The following GRIA4 variants were observed in gnomAD, a reference collection of about 807,000 sequenced individuals.
GRIA4 encodes the protein glutamate receptor 4.
Under a neutral mutation model 104.0 loss-of-function variants are expected in GRIA4, and 34 were observed. The observed-to-expected ratio is 0.33, with a 90% confidence interval of 0.25 to 0.44. The LOEUF (loss-of-function observed/expected upper bound fraction) is 0.44, where lower values mean the gene tolerates loss of function less well. GRIA4 is among the 20% of genes least tolerant of loss of function. The pLI is 1.00. For missense variants in GRIA4, 750 were observed against 1,096.5 expected (o/e 0.68, Z 4.46); for synonymous variants, 386 against 381.9 (o/e 1.01, Z -0.13).
intron 13 of GRIA4, among the ~76,000 whole-genome samples, chr11:105,932,645 C>G (rs1947916148): frequency 6.6e-6 from 1 of 152,100 alleles, no homozygotes; most frequent in African/African-American, 2.4e-5. Context: ...AAATAAGTTT[C>G]TTGGCTGGAG....
chr11:105,967,193 A>T (rs1490359844), intron 14 of GRIA4, among the ~76,000 whole-genome samples: 3 of 148,246 alleles, frequency 2.0e-5, no homozygotes, highest in South Asian at 4.3e-4. Context: ...TTATTATCAC[A>T]AATACAGGAG....
intron 3 of GRIA4, among the ~76,000 whole-genome samples, chr11:105,743,865 A>G (rs964247448): frequency 6.6e-6 from 1 of 152,120 alleles, no homozygotes; most frequent in East Asian, 1.9e-4. Flanking sequence ...TCCTCATTCA[A>G]TAATTTATTA....
chr11:105,897,127 T>C (rs1946678990), intron 6 of GRIA4, among the ~76,000 whole-genome samples: 2 of 152,058 alleles, frequency 1.3e-5, no homozygotes, highest in Non-Finnish European at 1.5e-5. Context: ...TCTCTAACCT[T>C]CTTGGTTAAA....
At chr11:105,623,062 TATATATATATATATA>T (rs1950792658) in intron 3 of GRIA4, among the ~76,000 whole-genome samples, 1 of 23,244 alleles carries the variant, frequency 4.3e-5, no homozygotes, top group African/African-American at 3.5e-4. Flanking sequence ...TGTATATATA[TATATATATATATATA>T]TATATATATA....
intron 14 of GRIA4, among the ~76,000 whole-genome samples, chr11:105,971,592 C>G (rs1296213286): frequency 1.3e-5 from 2 of 152,172 alleles, no homozygotes; most frequent in African/African-American, 2.4e-5. Context: ...CAAAAAGAAG[C>G]TTCTGGATTT....
intron 3 of GRIA4, among the ~76,000 whole-genome samples, chr11:105,738,076 C>G (rs547881715): frequency 2.1e-4 from 30 of 146,074 alleles, no homozygotes; most frequent in African/African-American, 6.7e-4. Flanking sequence ...TCATGCTTAA[C>G]ACATGGCATT....
intron 4 of GRIA4, among the ~76,000 whole-genome samples, chr11:105,811,697 T>C (rs1038507731): frequency 1.3e-5 from 2 of 152,312 alleles, no homozygotes; most frequent in African/African-American, 4.8e-5. Flanking sequence ...AAATGTTGCA[T>C]GGGACATATT....
chr11:105,949,269 A>ATG (rs1948404882), intron 14 of GRIA4, among the ~76,000 whole-genome samples: 1 of 152,252 alleles, frequency 6.6e-6, no homozygotes, highest in African/African-American at 2.4e-5. Flanking sequence ...AACACACTTC[A>ATG]TATCAGGACT....
chr11:105,914,691 T>C (rs1459556843), intron 10 of GRIA4, among the ~76,000 whole-genome samples: 1 of 152,188 alleles, frequency 6.6e-6, no homozygotes, highest in Non-Finnish European at 1.5e-5. Context: ...CACTAAGAAG[T>C]AATACATTTT....
chr11:105,690,020 C>CCTTA (rs1171917602), intron 3 of GRIA4, among the ~76,000 whole-genome samples: 1 of 152,174 alleles, frequency 6.6e-6, no homozygotes, highest in Non-Finnish European at 1.5e-5. Flanking sequence ...TAGCTAACTC[C>CCTTA]CTTATCTAGG....
chr11:105,811,886 G>C (rs1341841205), intron 4 of GRIA4, among the ~76,000 whole-genome samples: 3 of 152,080 alleles, frequency 2.0e-5, no homozygotes, highest in African/African-American at 4.8e-5. Context: ...CTCTGGGCTC[G>C]AATTCACAAA....
chr11:105,751,617 A>T (rs1940005029), intron 3 of GRIA4, among the ~76,000 whole-genome samples: 1 of 152,166 alleles, frequency 6.6e-6, no homozygotes, highest in African/African-American at 2.4e-5. Context: ...ACCCTAATAT[A>T]ATATCTATCA....
chr11:105,810,726 T>C (rs1943138766), intron 4 of GRIA4, among the ~76,000 whole-genome samples: 1 of 152,132 alleles, frequency 6.6e-6, no homozygotes, highest in Non-Finnish European at 1.5e-5. Context: ...ATATAAATTG[T>C]AAAGCCTGCC....
chr11:105,789,037 CT>C (rs1942098207), intron 4 of GRIA4, among the ~76,000 whole-genome samples: 1 of 152,012 alleles, frequency 6.6e-6, no homozygotes, highest in South Asian at 2.1e-4. Flanking sequence ...TTAGACATTC[CT>C]AGTGACACAC....
At chr11:105,638,539 ATGTGTG>A (rs66610848) in intron 3 of GRIA4, among the ~76,000 whole-genome samples, 6 of 149,364 alleles carry the variant, frequency 4.0e-5, no homozygotes, top group Admixed American at 6.7e-5. Flanking sequence ...GTGCGCGTGT[ATGTGTG>A]TGTGTGTGTG....
At chr11:105,612,255 T>C in intron 2 of GRIA4, 21 bp from the exon 3 acceptor site, 3 of 1,612,230 alleles carry the variant, frequency 1.9e-6, no homozygotes, top group Non-Finnish European at 8.5e-7. Context: ...GTGAATGTGC[T>C]TTTCCTGCTG....
intron 3 of GRIA4, among the ~76,000 whole-genome samples, chr11:105,750,853 C>A (rs921442360): frequency 1.3e-5 from 2 of 152,038 alleles, no homozygotes; most frequent in Non-Finnish European, 2.9e-5. Flanking sequence ...GAAAAGGAGT[C>A]CAGCATTGCC....
chr11:105,872,671 G>T (rs1945660666), intron 5 of GRIA4, among the ~76,000 whole-genome samples: 2 of 151,964 alleles, frequency 1.3e-5, no homozygotes, highest in Non-Finnish European at 2.9e-5. Flanking sequence ...TATAATTCAA[G>T]AATAGATATC....
intron 4 of GRIA4, among the ~76,000 whole-genome samples, chr11:105,756,008 TG>T (rs1249434130): frequency 6.6e-6 from 1 of 152,162 alleles, no homozygotes; most frequent in Non-Finnish European, 1.5e-5. Flanking sequence ...TACTGATTAT[TG>T]GATTTCTCAG....
Sources: allele counts gnomAD v4.1 joint callset (sites outside exome capture counted in the v4.1 genomes callset), GRCh38; gene constraint gnomAD v4.1.1; transcripts MANE v1.5; gene names NCBI Gene and HGNC (gene_info 2026-07-23, HGNC 2026-07-21).